MAP3K19: variants seen among roughly 807,000 people sequenced by gnomAD.
MAP3K19 encodes the protein SPS1/STE20-related protein kinase YSK4.
In MAP3K19, 91 loss-of-function variants were observed where a neutral mutation model predicts 114.4. The observed-to-expected ratio is 0.80, with a 90% CI of 0.67 to 0.95. MAP3K19 has a LOEUF of 0.95. Among genes scored for constraint, MAP3K19 ranks in the 40% least tolerant of loss-of-function variants. The pLI, the probability that MAP3K19 is intolerant of heterozygous loss-of-function variation, is 0.00. For missense variants in MAP3K19, 1,471 were observed against 1,573.2 expected (o/e 0.94, Z 1.10); for synonymous variants, 518 against 530.5 (o/e 0.98, Z 0.32).
In MAP3K19 at chr2:135,017,969, T is replaced by C. The variant is rs540656184; in HGVS notation, c.138+3746A>G. Among the ~76,000 whole-genome samples the C allele has an allele frequency of 5.3e-5, 8 of 152,208 alleles. No homozygotes were observed. The South Asian group carries it at 8.3e-4, about 16-fold the overall frequency. ...TTTAAGATGTCTGACTTCAAAGAGG[T>C]TAAAATGCAAAGTACACATCTTAGA... On this transcript the variant is annotated intron_variant, in intron 5 of 12. Transcript: ENST00000392915.
intron 12 of MAP3K19, among the ~76,000 whole-genome samples, chr2:134,978,099 C>T (rs1047289641): frequency 1.3e-5 from 2 of 152,120 alleles, no homozygotes; most frequent in African/African-American, 4.8e-5. Flanking sequence ...TGATGCCATG[C>T]ATTTCTGTTA....
intron 12 of MAP3K19, among the ~76,000 whole-genome samples, chr2:134,969,054 G>A (rs1573902811): frequency 6.6e-6 from 1 of 152,212 alleles, no homozygotes; most frequent in African/African-American, 2.4e-5. Context: ...CTCCAGCCTG[G>A]GCACCATTGA....
chr2:134,973,442 C>T (rs1328241040), intron 12 of MAP3K19, among the ~76,000 whole-genome samples: 1 of 152,106 alleles, frequency 6.6e-6, no homozygotes, highest in Admixed American at 6.5e-5. Flanking sequence ...GCTACTCATG[C>T]TCTCTATTGG....
chr2:134,968,770 C>G (rs1683626590), intron 12 of MAP3K19, among the ~76,000 whole-genome samples: 1 of 151,550 alleles, frequency 6.6e-6, no homozygotes, highest in Admixed American at 6.6e-5. Context: ...GGCAGAGACG[C>G]TCCTCACCTC....
At chr2:135,022,147 G>A (rs1163275869) in intron 4 of MAP3K19, among the ~76,000 whole-genome samples, 2 of 152,050 alleles carry the variant, frequency 1.3e-5, no homozygotes, top group African/African-American at 2.4e-5. Context: ...AGGATGAATC[G>A]ATCATCCTAT....
chr2:134,982,896 A>T (rs1192846486), intron 11 of MAP3K19, among the ~76,000 whole-genome samples: 2 of 152,194 alleles, frequency 1.3e-5, no homozygotes, highest in East Asian at 3.9e-4. Flanking sequence ...TTACTCGTCT[A>T]TGTAAATAAC....
chr2:135,004,383 G>A (rs1380774213), intron 6 of MAP3K19, among the ~76,000 whole-genome samples: 1 of 152,180 alleles, frequency 6.6e-6, no homozygotes. Context: ...TCAGCCTGGG[G>A]AGGGAAGATT....
At chr2:135,023,387 A>G in intron 4 of MAP3K19, 1 of 522,940 alleles carries the variant, frequency 1.9e-6, no homozygotes, top group South Asian at 1.4e-5. Flanking sequence ...CACTCTCATC[A>G]GTCCCTCAAT....
intron 5 of MAP3K19, among the ~76,000 whole-genome samples, chr2:135,017,363 A>G (rs1245662405): frequency 6.6e-6 from 1 of 152,170 alleles, no homozygotes; most frequent in Non-Finnish European, 1.5e-5. Context: ...TGCTGGCCAT[A>G]TGGGAGCTAG....
intron 4 of MAP3K19, 102 bp downstream of exon 4, chr2:135,024,524 T>C: frequency 9.2e-7 from 1 of 1,090,946 alleles, no homozygotes; most frequent in Middle Eastern, 2.0e-4. Context: ...GCCGTGGACT[T>C]GATTTCTTTA....
chr2:135,030,978 TG>T (rs1688365623), intron 2 of MAP3K19, among the ~76,000 whole-genome samples: 1 of 152,162 alleles, frequency 6.6e-6, no homozygotes, highest in Admixed American at 6.5e-5. Flanking sequence ...TATCCTTGAA[TG>T]TCACAAGTAT....
chr2:135,023,708 A>C, intron 4 of MAP3K19: 1 of 392,870 alleles, frequency 2.5e-6, no homozygotes, highest in Non-Finnish European at 5.2e-6. Flanking sequence ...TCTTAGGCTC[A>C]CTCTCACACC....
chr2:135,012,970 T>A (rs1687336617), intron 5 of MAP3K19, among the ~76,000 whole-genome samples: 1 of 152,122 alleles, frequency 6.6e-6, no homozygotes, highest in Non-Finnish European at 1.5e-5. Context: ...TTTGTTTGTA[T>A]GTTTGTTTGA....
chr2:135,002,973 G>T (rs550840054), intron 6 of MAP3K19, among the ~76,000 whole-genome samples: 1 of 152,262 alleles, frequency 6.6e-6, no homozygotes, highest in South Asian at 2.1e-4. Flanking sequence ...GGCTTATTTG[G>T]AGATGGGGCC....
intron 5 of MAP3K19, 152 bp from the exon 6 acceptor site, chr2:135,005,683 T>C: frequency 1.6e-6 from 1 of 629,094 alleles, no homozygotes; most frequent in Non-Finnish European, 2.8e-6. Context: ...AATAAGAAAG[T>C]ATCTGCCCTT....
chr2:135,005,591 C>T, intron 5 of MAP3K19, 60 bp from the exon 6 acceptor site: 2 of 1,319,538 alleles, frequency 1.5e-6, no homozygotes, highest in South Asian at 1.2e-5. Flanking sequence ...AGTTTGTTGG[C>T]AGAGTGAATG....
At chr2:134,978,072 C>T (rs1052932964) in intron 12 of MAP3K19, among the ~76,000 whole-genome samples, 13 of 152,248 alleles carry the variant, frequency 8.5e-5, no homozygotes, top group African/African-American at 2.6e-4. Context: ...TTCCCTTCTC[C>T]AGTTATGTGC....
intron 4 of MAP3K19, among the ~76,000 whole-genome samples, chr2:135,022,772 T>C (rs188367717): frequency 1.3e-5 from 2 of 152,220 alleles, no homozygotes; most frequent in African/African-American, 4.8e-5. Context: ...TCACTTCAAA[T>C]GTTTGGGATT....
rs146892824 is a variant in MAP3K19, at chr2:135,003,640, C to T, written c.235+1795G>A. 8.1e-4 allele frequency among the ~76,000 whole-genome samples: 123 copies of T among 152,200 alleles called. 5 individuals carry two copies. Among genetic ancestry groups the T allele is most frequent in the African/African-American group, 8.2e-4 (34 of 41,514 alleles). On this transcript the variant is annotated intron_variant, in intron 6 of 12. Coordinates refer to ENST00000392915, the MANE Select transcript of MAP3K19 (RefSeq NM_025052.5). ...TACAATCTCAGCTCACTGCAACCTC[C>T]GCCTCCCGGGTTCAAACGATTCTTC... is the stretch of plus-strand genomic sequence containing the variant.
Sources: allele counts gnomAD v4.1 joint callset (sites outside exome capture counted in the v4.1 genomes callset), GRCh38; gene constraint gnomAD v4.1.1; transcripts MANE v1.5; gene names NCBI Gene and HGNC (gene_info 2026-07-23, HGNC 2026-07-21).